Variants in ZBED1 observed in about 807,000 individuals in gnomAD.
The protein encoded by ZBED1 is zinc finger BED-type containing 1, also known as E3 SUMO-protein ligase ZBED1.
In ZBED1, 19 loss-of-function variants were observed where a neutral mutation model predicts 49.7. The observed-to-expected ratio is 0.38, with a 90% CI of 0.27 to 0.56. The LOEUF is 0.56. Among genes scored for constraint, ZBED1 ranks in the 20% least tolerant of loss-of-function variants. The probability of loss-of-function intolerance (pLI) is 0.70; values close to 1 mark genes in which losing one functional copy is unlikely to be tolerated. For missense variants in ZBED1, 806 were observed against 972.6 expected (o/e 0.83, Z 2.28); for synonymous variants, 439 against 440.3 (o/e 1.00, Z 0.04).
At chrX:2,496,869 T>G (rs935668718) in intron 1 of ZBED1, among the ~76,000 whole-genome samples, 2 of 148,650 alleles carry the variant, frequency 1.3e-5, no homozygotes, top group African/African-American at 4.9e-5. Context: ...AAAGTATAAA[T>G]TATTCTAAAA....
chrX:2,490,546 T>G lies in ZBED1; in HGVS notation c.174A>C (p.Gly58=), dbSNP rs139717854. 1.5e-5 allele frequency: 25 copies of G among 1,613,838 alleles called. No individual in the cohort carries two copies. The highest frequency in any genetic ancestry group is 1.5e-4 in the Admixed American group (9 of 60,000). ...RICMAQIAYS[G]NTSNLSYHLE... The stretch of plus-strand genomic sequence containing the variant: ...GGTGGTAGGACAGGTTGGAGGTGTT[T>G]CCGGAGTAGGCGATCTGGGCCATGC... Residue 58 remains glycine (G), a synonymous_variant, in exon 2 of 2, where the codon GGA becomes GGC. Transcript: ENST00000652001.
intron 1 of ZBED1, among the ~76,000 whole-genome samples, chrX:2,491,075 T>TTG (rs1556033021): frequency 7.9e-6 from 1 of 126,474 alleles, no homozygotes; most frequent in African/African-American, 2.9e-5. Context: ...AGTTTTTTTT[T>TTG]TTTTTTTTTT....
intron 1 of ZBED1, among the ~76,000 whole-genome samples, chrX:2,496,788 A>T (rs186991168): frequency 0.022 from 3,339 of 151,148 alleles, 50 homozygotes; most frequent in Non-Finnish European, 0.034. Flanking sequence ...ATATTTATAT[A>T]AAAATATCAA....
chrX:2,494,178 T>C (rs2045227140), intron 1 of ZBED1, among the ~76,000 whole-genome samples: 1 of 152,000 alleles, frequency 6.6e-6, no homozygotes. Context: ...TCCCAGTGCC[T>C]GGGGCCAAGG....
intron 1 of ZBED1, chrX:2,500,597 G>C (rs2045396877): frequency 5.0e-6 from 1 of 199,000 alleles, no homozygotes; most frequent in Non-Finnish European, 1.0e-5. Context: ...GGCCAGGCGC[G>C]CAGAAGAGCC....
intron 1 of ZBED1, among the ~76,000 whole-genome samples, chrX:2,499,549 T>C (rs991387311): frequency 2.6e-5 from 4 of 152,088 alleles, no homozygotes; most frequent in Non-Finnish European, 4.4e-5. Context: ...GACTGGAGGA[T>C]TGCTGCAGGC....
At chrX:2,490,877 A>C in intron 1 of ZBED1, 105 bp from the exon 2 acceptor site, 15 of 1,016,142 alleles carry the variant, frequency 1.5e-5, no homozygotes, top group Non-Finnish European at 2.0e-5. Context: ...CTTTCAACCA[A>C]AGGGCACTGG....
intron 1 of ZBED1, among the ~76,000 whole-genome samples, chrX:2,496,190 T>C (rs2045280439): frequency 6.6e-6 from 1 of 152,004 alleles, no homozygotes; most frequent in Non-Finnish European, 1.5e-5. Context: ...ATTTTTGTTT[T>C]TGTTTTTTTG....
chrX:2,494,191 T>C (rs2045227638), intron 1 of ZBED1, among the ~76,000 whole-genome samples: 2 of 152,024 alleles, frequency 1.3e-5, no homozygotes, highest in Middle Eastern at 3.2e-3. Context: ...GGCCAAGGTT[T>C]ATATTCTATT....
Position 2,490,271 on chromosome X carries a change from T to C in ZBED1, c.449A>G (p.Lys150Arg). ...GGGGTCGGCCGTCTTCAGCAGCACC[T>C]TGAAGGTGGGCTCGTCCACGATGGA... ...PASIVDEPTF[K>R]VLLKTADPRY... Residue 150 changes from lysine to arginine, a missense_variant, in exon 2 of 2, where the codon AAG (lysine) becomes AGG (arginine). By Grantham distance (26) the Lys-to-Arg change is conservative. Coordinates refer to ENST00000652001, the MANE Select transcript of ZBED1 (RefSeq NM_001171136.2). 6.2e-7 allele frequency: 1 copy of C among 1,613,806 alleles called. No individual in the cohort carries two copies. Among genetic ancestry groups the C allele is most frequent in the Non-Finnish European group, 8.5e-7 (1 of 1,179,852 alleles).
Position 2,488,392 on chromosome X carries a change from C to T in ZBED1, c.*243G>A, listed in dbSNP as rs780217283. ...GTTTCGCCATGTTGGCCAGGCTGGT[C>T]TCGATCTCCTGACCTCAGCTGATCT... On this transcript the variant is annotated 3_prime_UTR_variant, in exon 2 of 2. Transcript: ENST00000652001. 54 of 479,030 alleles carry T rather than the reference C, an allele frequency of 1.1e-4. No individual in the cohort carries two copies. The highest frequency in any genetic ancestry group is 3.6e-6 in the Non-Finnish European group (1 of 279,504). The allele number at this position is 479,030 out of a possible 1,614,324, so 29.7% of individuals were successfully genotyped here.
In ZBED1 at chrX:2,489,310, G is replaced by A. The variant is rs141520513; in HGVS notation, c.1410C>T (p.Asn470=). The change falls in exon 2 of 2, where the codon AAC becomes AAT. Residue 470 remains asparagine, a synonymous_variant. Transcript: ENST00000652001. ...QETPEIDMFL[N]VATFLDPRYK... is the part of the protein sequence containing the mutation. ...AGCGGGGGTCCAGGAAGGTGGCCACGTTGAGAAACATGTCGATCTCGGGCG... is the reference window on the plus strand; with the variant it reads ...AGCGGGGGTCCAGGAAGGTGGCCACATTGAGAAACATGTCGATCTCGGGCG... 45 of 1,613,834 alleles carry A rather than the reference G, an allele frequency of 2.8e-5. No homozygotes were observed. The highest frequency in any genetic ancestry group is 5.3e-5 in the African/African-American group (4 of 74,934).
rs757623185 is a variant in ZBED1 at position 2,489,779 on chromosome X, C to T, written c.941G>A (p.Arg314His). Residue 314 changes from arginine (R) to histidine (H), a missense_variant, in exon 2 of 2, where the codon CGC becomes CAC. This residue lies in a region of ZBED1 where 749 missense variants were observed against 861.3 expected (regional missense o/e 0.87). Transcript: ENST00000652001. ...GAAGTACTCCACCAGTTTGCGGCAG[C>T]GCGACAGCAGCGCCCCCAGCTTCGG... ...QLPKLGALLS[R>H]CRKLVEYFQQ... The T allele has an allele frequency of 1.4e-5, 23 of 1,613,066 alleles. No individual in the cohort carries two copies. In the East Asian group the frequency reaches 2.4e-4, roughly 17 times the overall value.
At position 2,500,936 on chromosome X, in the gene ZBED1, G is replaced by GCCGCGCCGCCGCCGCTT. The variant is rs995997680; in HGVS notation, c.-190_-174dup. 8.6e-6 allele frequency: 9 copies of GCCGCGCCGCCGCCGCTT among 1,051,908 alleles called. No homozygotes were observed. The highest frequency in any genetic ancestry group is 1.7e-5 in the African/African-American group (1 of 58,190). 65.2% of individuals were successfully genotyped at this position (1,051,908 alleles called of 1,614,324 possible). Reference sequence around the variant, plus strand: ...AGACAATGGCGACATGGCTGCCCCGGCCGCGCCGCCGCCGCTTCCGCGCCG... The same window carrying GCCGCGCCGCCGCCGCTT: ...AGACAATGGCGACATGGCTGCCCCGGCCGCGCCGCCGCCGCTTCCGCGCCGCCGCCGCTTCCGCGCCG... On this transcript the variant is annotated 5_prime_UTR_variant, in exon 1 of 2. Coordinates refer to ENST00000652001, the MANE Select transcript of ZBED1 (RefSeq NM_001171136.2).
At position 2,487,083 on chromosome X, in the gene ZBED1, AT is replaced by A. The variant is rs2044959125; in HGVS notation, c.*1551del. ...AGCAATATGCTAAGCCTCCTGAAGT[AT>A]TTTTCCTCCAGTTAAAAAGCAGTTC... is the stretch of plus-strand genomic sequence containing the variant. On this transcript the variant is annotated 3_prime_UTR_variant, in exon 2 of 2. Coordinates refer to ENST00000652001, the MANE Select transcript of ZBED1 (RefSeq NM_001171136.2). 6.6e-6 allele frequency: 1 copy of A among 152,086 alleles called. No individual in the cohort carries two copies. The highest frequency in any genetic ancestry group is 2.4e-5 in the African/African-American group (1 of 41,408). 9.4% of individuals were successfully genotyped at this position (152,086 alleles called of 1,614,324 possible).
chrX:2,495,343 G>T (rs150235660), intron 1 of ZBED1, among the ~76,000 whole-genome samples: 5 of 151,646 alleles, frequency 3.3e-5, no homozygotes, highest in Admixed American at 2.0e-4. Context: ...ATGAACAAAG[G>T]TTTATATTCT....
chrX:2,491,583 C>T (rs1316792732), intron 1 of ZBED1, among the ~76,000 whole-genome samples: 1 of 152,220 alleles, frequency 6.6e-6, no homozygotes, highest in Non-Finnish European at 1.5e-5. Context: ...AGAAGCCAAA[C>T]AGGACCTCCA....
At position 2,488,368 on chromosome X, in the gene ZBED1, T is replaced by G. The variant is rs1299629073; in HGVS notation, c.*267A>C. 20 of 432,952 alleles carry G rather than the reference T, an allele frequency of 4.6e-5. No individual in the cohort carries two copies. Among genetic ancestry groups the G allele is most frequent in the Non-Finnish European group, 7.2e-5 (18 of 249,206 alleles). The allele number at this position is 432,952 out of a possible 1,614,324, so 26.8% of individuals were successfully genotyped here. A position where few individuals can be genotyped will look rare whatever the true frequency, so the allele number is the denominator to read the frequency against. ...TTTTGTATTTTTAGTAGAGACGGGG[T>G]TTCGCCATGTTGGCCAGGCTGGTCT... On this transcript the variant is annotated 3_prime_UTR_variant, in exon 2 of 2. Coordinates refer to ENST00000652001, the MANE Select transcript of ZBED1 (RefSeq NM_001171136.2).
intron 1 of ZBED1, among the ~76,000 whole-genome samples, chrX:2,496,154 T>G (rs1187787008): frequency 6.6e-6 from 1 of 152,222 alleles, no homozygotes; most frequent in Non-Finnish European, 1.5e-5. Context: ...GTATTACATA[T>G]TTCAAAATAG....
Sources: gnomAD v4.1 joint callset for allele counts (sites outside exome capture counted in the v4.1 genomes callset) on GRCh38, gnomAD v4.1.1 for gene constraint, gnomAD v4.1.1 regional missense constraint, MANE v1.5 for transcripts, NCBI Gene and HGNC (gene_info 2026-07-23, HGNC 2026-07-21) for gene names.